The following PLEKHH2 variants were observed in gnomAD, a reference collection of about 807,000 sequenced individuals.
PLEKHH2 encodes pleckstrin homology domain-containing family H member 2.
A neutral mutation model predicts 187.9 loss-of-function variants in PLEKHH2; 129 were observed. The observed-to-expected ratio is 0.69, with a 90% confidence interval of 0.59 to 0.79. PLEKHH2 has a LOEUF of 0.79. Among genes scored for constraint, PLEKHH2 ranks in the 30% least tolerant of loss-of-function variants. The probability of loss-of-function intolerance (pLI) is 0.00; values close to 1 mark genes in which losing one functional copy is unlikely to be tolerated. For missense variants in PLEKHH2, 2,076 were observed against 1,751.2 expected, an observed-to-expected ratio of 1.19 and a Z score of -3.31; for synonymous variants, 686 against 605.6, an observed-to-expected ratio of 1.13 and a Z score of -1.95.
chr2:43,713,660 GTT>G (rs71410202), intron 15 of PLEKHH2, among the ~76,000 whole-genome samples: 2 of 133,980 alleles, frequency 1.5e-5, no homozygotes, highest in Admixed American at 7.4e-5. Context: ...GCTTAATTCT[GTT>G]TTTTTTTTTT....
rs142878110 is a variant in PLEKHH2 at position 43,687,325 on chromosome 2, T to G, written c.187-5189T>G. Among the ~76,000 whole-genome samples, 666 of 152,332 alleles carry G rather than the reference T, an allele frequency of 4.4e-3. 5 individuals are homozygous for G. The highest frequency in any genetic ancestry group is 0.015 in the African/African-American group (616 of 41,582). On this transcript the variant is annotated intron_variant, in intron 3 of 29. Coordinates refer to ENST00000282406, the MANE Select transcript of PLEKHH2 (RefSeq NM_172069.4). The stretch of plus-strand genomic sequence containing the variant: ...CCATGTTGCTACAAAGGACATGATC[T>G]CATTCTTTTTTATGGCAGTGTAGTG...
intron 2 of PLEKHH2, among the ~76,000 whole-genome samples, chr2:43,666,317 T>G (rs1310036874): frequency 6.6e-6 from 1 of 151,310 alleles, no homozygotes; most frequent in Non-Finnish European, 1.5e-5. Context: ...AGGCAATGCC[T>G]CGCCCTGCTT....
In PLEKHH2 at chr2:43,710,478, G is replaced by C. The variant is rs2104516396; in HGVS notation, c.2215-11G>C. ...TTAATCACTTTCCATTTGTTTTTCT[G>C]TTTCATACAGAGTGATGTAATTAGA... is the stretch of plus-strand genomic sequence containing the variant. On this transcript the variant is annotated splice_polypyrimidine_tract_variant and intron_variant, in intron 13 of 29. Coordinates refer to ENST00000282406, the MANE Select transcript of PLEKHH2 (RefSeq NM_172069.4). 1.9e-6 allele frequency: 3 copies of C among 1,591,498 alleles called. No homozygotes were observed. The highest frequency in any genetic ancestry group is 2.6e-6 in the Non-Finnish European group (3 of 1,174,982).
At chr2:43,687,465 T>C (rs1668577554) in intron 3 of PLEKHH2, among the ~76,000 whole-genome samples, 1 of 152,218 alleles carries the variant, frequency 6.6e-6, no homozygotes, top group South Asian at 2.1e-4. Context: ...TAGAAGTGCA[T>C]GTGTCTTTTT....
intron 2 of PLEKHH2, among the ~76,000 whole-genome samples, chr2:43,671,584 G>A (rs1667500618): frequency 6.6e-6 from 1 of 152,160 alleles, no homozygotes; most frequent in South Asian, 2.1e-4. Context: ...TATGATGTTA[G>A]TTATAGGTTT....
At chr2:43,733,230 G>A (rs1671130450) in intron 19 of PLEKHH2, among the ~76,000 whole-genome samples, 1 of 152,052 alleles carries the variant, frequency 6.6e-6, no homozygotes, top group South Asian at 2.1e-4. Context: ...GAGTGTGATG[G>A]CATGCGCCTA....
chr2:43,731,230 A>ACC (rs1217842719), intron 18 of PLEKHH2, among the ~76,000 whole-genome samples: 2 of 152,196 alleles, frequency 1.3e-5, no homozygotes, highest in Non-Finnish European at 2.9e-5. Flanking sequence ...TTACTCATGT[A>ACC]ACCACATACC....
In PLEKHH2 at chr2:43,720,691, G is replaced by C. The variant is rs781089949; in HGVS notation, c.2483G>C (p.Arg828Thr). Reference sequence around the variant, plus strand: ...CAGGTAAAACATGGATATTCCAAGAGAGTCTGGTGTACACTAATAGGAAAG... The same window carrying C: ...CAGGTAAAACATGGATATTCCAAGACAGTCTGGTGTACACTAATAGGAAAG... ...LTKVKHGYSK[R>T]VWCTLIGKTL... The change falls in exon 16 of 30, where the codon AGA (arginine) becomes ACA (threonine). Residue 828 changes from arginine to threonine, a missense_variant. Transcript: ENST00000282406. 6 of 1,610,140 alleles carry C rather than the reference G, an allele frequency of 3.7e-6. No individual in the cohort carries two copies. Among genetic ancestry groups the C allele is most frequent in the Admixed American group, 3.4e-5 (2 of 59,036 alleles).
At chr2:43,694,655 T>G in intron 5 of PLEKHH2, 141 bp downstream of exon 5, 1 of 875,256 alleles carries the variant, frequency 1.1e-6, no homozygotes, top group Non-Finnish European at 1.6e-6. Context: ...AAATGAGATA[T>G]AGGTAGCTTT....
Position 43,741,036 on chromosome 2 carries a change from G to C in PLEKHH2, c.3214G>C (p.Asp1072His). 1 of 1,611,194 alleles carries C rather than the reference G, an allele frequency of 6.2e-7. No individual in the cohort carries two copies. Among genetic ancestry groups the C allele is most frequent in the Non-Finnish European group, 8.5e-7 (1 of 1,177,588 alleles). The change falls in exon 21 of 30, where the codon GAT becomes CAT. Residue 1072 changes from aspartate (D) to histidine (H), a missense_variant. Transcript: ENST00000282406. ...LLRLHLKRNA[D>H]SRTEFGKYAI... ...CAGGCTTCACCTAAAGAGGAATGCA[G>C]ATTCCAGGTGTGCAGAATACTAGCC...
intron 2 of PLEKHH2, among the ~76,000 whole-genome samples, chr2:43,677,565 C>G (rs1442734490): frequency 1.3e-5 from 2 of 151,780 alleles, no homozygotes; most frequent in African/African-American, 4.8e-5. Flanking sequence ...TTTCTTAGTA[C>G]AGAACAAAAT....
Position 43,738,366 on chromosome 2 carries a change from C to T in PLEKHH2, c.2969C>T (p.Ala990Val). Residue 990 changes from alanine (A) to valine (V), a missense_variant, in exon 20 of 30, where the codon GCA (alanine) becomes GTA (valine). Physicochemically the swap from Ala to Val is moderately conservative, Grantham distance 64. Coordinates refer to ENST00000282406, the MANE Select transcript of PLEKHH2 (RefSeq NM_172069.4). ...FKTCQLFINA[A>V]VDSPAIDYHI... ...ACCTGCCAGCTTTTTATAAATGCTG[C>T]AGTTGACTCTCCTGCAATTGATTAC... The T allele has an allele frequency of 3.1e-6, 5 of 1,610,918 alleles. No homozygotes were observed. The highest frequency in any genetic ancestry group is 3.4e-6 in the Non-Finnish European group (4 of 1,177,922).
chr2:43,644,880 G>T, intron 2 of PLEKHH2, 84 bp downstream of exon 2: 1 of 1,359,724 alleles, frequency 7.4e-7, no homozygotes, highest in South Asian at 1.6e-5. Context: ...CAGTACTTTG[G>T]GGGTTTGATT....
At chr2:43,764,893 T>C (rs543741847) in intron 29 of PLEKHH2, among the ~76,000 whole-genome samples, 1 of 152,272 alleles carries the variant, frequency 6.6e-6, no homozygotes, top group Non-Finnish European at 1.5e-5. Flanking sequence ...GTAATTCTAA[T>C]TGAAAGTGAT....
At chr2:43,687,697 G>T (rs779907368) in intron 3 of PLEKHH2, among the ~76,000 whole-genome samples, 1 of 152,058 alleles carries the variant, frequency 6.6e-6, no homozygotes, top group Non-Finnish European at 1.5e-5. Flanking sequence ...GGTGTGAAAT[G>T]GTATCTCATT....
At chr2:43,649,220 A>T (rs1449375594) in intron 2 of PLEKHH2, among the ~76,000 whole-genome samples, 3 of 152,234 alleles carry the variant, frequency 2.0e-5, no homozygotes, top group African/African-American at 7.2e-5. Context: ...TAAACTCTTC[A>T]GGGAAGCTGA....
chr2:43,675,313 G>C (rs1222437533), intron 2 of PLEKHH2: 5 of 1,149,786 alleles, frequency 4.3e-6, no homozygotes, highest in Non-Finnish European at 6.1e-6. Flanking sequence ...CACTGTATCA[G>C]AATTTGGACT....
chr2:43,741,113 T>A, intron 21 of PLEKHH2, 70 bp downstream of exon 21: 1 of 1,369,064 alleles, frequency 7.3e-7, no homozygotes, highest in Non-Finnish European at 1.0e-6. Flanking sequence ...CATAAGTATT[T>A]AACGATCTGC....
Position 43,681,646 on chromosome 2 carries a change from A to G in PLEKHH2, c.186+2721A>G, listed in dbSNP as rs181203438. ...CAATATGCATTTTTGTTCTCCTACC[A>G]TAGTGACCAGATCTGAATCACTCAA... On this transcript the variant is annotated intron_variant, in intron 3 of 29. Coordinates refer to ENST00000282406, the MANE Select transcript of PLEKHH2 (RefSeq NM_172069.4). The G allele has an allele frequency of 9.2e-3, 5,951 of 643,798 alleles. 52 individuals carry two copies. Among genetic ancestry groups the G allele is most frequent in the Non-Finnish European group, 0.012 (4,454 of 362,696 alleles). The allele number at this position is 643,798 out of a possible 1,614,324, so 39.9% of individuals were successfully genotyped here. A position where few individuals can be genotyped will look rare whatever the true frequency, so the allele number is the denominator to read the frequency against.
Sources: gnomAD v4.1 joint callset for allele counts (sites outside exome capture counted in the v4.1 genomes callset) on GRCh38, gnomAD v4.1.1 for gene constraint, MANE v1.5 for transcripts, NCBI Gene and HGNC (gene_info 2026-07-23, HGNC 2026-07-21) for gene names.